Variants in MAGI2 observed in about 807,000 individuals in gnomAD.
MAGI2 encodes the protein membrane-associated guanylate kinase, WW and PDZ domain-containing protein 2.
MAGI2 carries 35 observed loss-of-function variants against 133.3 expected under a neutral mutation model. The ratio of observed to expected loss-of-function variants is 0.26; its 90% CI spans 0.20 to 0.35. MAGI2 has a LOEUF of 0.35. Among genes scored for constraint, MAGI2 ranks in the 10% least tolerant of loss-of-function variants. The probability of loss-of-function intolerance (pLI) is 1.00; values close to 1 mark genes in which losing one functional copy is unlikely to be tolerated. For missense variants in MAGI2, 1,636 were observed against 1,863.4 expected (o/e 0.88, Z 2.25); for synonymous variants, 729 against 710.6 (o/e 1.03, Z -0.41).
intron 3 of MAGI2, among the ~76,000 whole-genome samples, chr7:78,594,964 C>T (rs559282650): frequency 3.3e-5 from 5 of 152,260 alleles, no homozygotes; most frequent in Admixed American, 6.5e-5. Flanking sequence ...GATGAATGCC[C>T]GCTTACACAC....
intron 6 of MAGI2, among the ~76,000 whole-genome samples, chr7:78,421,293 G>A (rs530693867): frequency 6.6e-5 from 10 of 152,164 alleles, no homozygotes; most frequent in Admixed American, 4.6e-4. Flanking sequence ...CTCACTTACT[G>A]GGGTAAAAGC....
chr7:79,085,651 GTGT>G (rs1816418678), intron 1 of MAGI2, among the ~76,000 whole-genome samples: 1 of 151,880 alleles, frequency 6.6e-6, no homozygotes, highest in South Asian at 2.1e-4. Context: ...TTCTTGTTTG[GTGT>G]TGTTGTTAGT....
intron 2 of MAGI2, among the ~76,000 whole-genome samples, chr7:78,881,077 A>T (rs1795804087): frequency 6.6e-6 from 1 of 152,186 alleles, no homozygotes; most frequent in African/African-American, 2.4e-5. Flanking sequence ...TAAAACAAGT[A>T]CTTCTAGACC....
chr7:78,128,063 C>G (rs1349583538), intron 18 of MAGI2, among the ~76,000 whole-genome samples: 1 of 152,038 alleles, frequency 6.6e-6, no homozygotes, highest in Admixed American at 6.5e-5. Context: ...AGAGGTAATA[C>G]TAGATCATAG....
At chr7:78,979,033 G>A (rs778528185) in intron 2 of MAGI2, among the ~76,000 whole-genome samples, 20 of 151,996 alleles carry the variant, frequency 1.3e-4, no homozygotes, top group Middle Eastern at 6.8e-3. Flanking sequence ...TAATGGATTC[G>A]AGTTGGAGAC....
chr7:79,391,635 T>C (rs1844660127), intron 1 of MAGI2, among the ~76,000 whole-genome samples: 1 of 150,336 alleles, frequency 6.7e-6, no homozygotes, highest in Admixed American at 6.7e-5. Flanking sequence ...ACGTGTGCTA[T>C]AGTGGTTTGC....
intron 1 of MAGI2, among the ~76,000 whole-genome samples, chr7:79,177,538 T>G (rs545520758): frequency 6.6e-6 from 1 of 152,166 alleles, no homozygotes; most frequent in East Asian, 1.9e-4. Flanking sequence ...GCTATTCTTT[T>G]GCAAGAAAAT....
At position 78,019,837 on chromosome 7, in the gene MAGI2, T is replaced by A. The variant is rs1465786247; in HGVS notation, c.3846A>T (p.Pro1282=). The A allele has an allele frequency of 6.2e-7, 1 of 1,613,474 alleles. No individual in the cohort carries two copies. The highest frequency in any genetic ancestry group is 8.5e-7 in the Non-Finnish European group (1 of 1,179,936). ...PPSDPSHQIS[P]GPTWDIKREH... ...CCCGTTTGATATCCCAAGTTGGGCC[T>A]GGGCTTATCTGGTGGGAAGGGTCGG... Residue 1282 remains proline (P), a synonymous_variant, in exon 22 of 22, where the codon CCA becomes CCT. Transcript: ENST00000354212.
intron 1 of MAGI2, among the ~76,000 whole-genome samples, chr7:79,055,951 C>T (rs1221138105): frequency 2.0e-5 from 3 of 152,150 alleles, no homozygotes; most frequent in Non-Finnish European, 4.4e-5. Context: ...GAAAGACTAA[C>T]AAGTGAGAAC....
intron 2 of MAGI2, among the ~76,000 whole-genome samples, chr7:78,865,208 G>A (rs942066687): frequency 2.6e-5 from 4 of 152,252 alleles, no homozygotes; most frequent in African/African-American, 9.6e-5. Flanking sequence ...TTTGAAAAAG[G>A]AAAGATGATA....
chr7:78,351,440 T>C (rs1179019230), intron 7 of MAGI2, among the ~76,000 whole-genome samples: 1 of 151,690 alleles, frequency 6.6e-6, no homozygotes, highest in Non-Finnish European at 1.5e-5. Flanking sequence ...AGCACTATAT[T>C]AGGGATGAAA....
At chr7:79,064,768 C>A (rs530751993) in intron 1 of MAGI2, among the ~76,000 whole-genome samples, 1 of 152,178 alleles carries the variant, frequency 6.6e-6, no homozygotes, top group East Asian at 1.9e-4. Flanking sequence ...TGAAACTGCA[C>A]TTCTGACTTT....
chr7:78,695,410 C>T (rs961154917), intron 2 of MAGI2, among the ~76,000 whole-genome samples: 9 of 152,144 alleles, frequency 5.9e-5, no homozygotes, highest in African/African-American at 1.7e-4. Context: ...TTCCTCCTTG[C>T]TCTGTATCTG....
intron 2 of MAGI2, among the ~76,000 whole-genome samples, chr7:78,652,765 A>G (rs749345732): frequency 5.9e-5 from 9 of 152,300 alleles, no homozygotes; most frequent in Non-Finnish European, 1.0e-4. Context: ...AATAGCAACA[A>G]AAGTCAAAAT....
At chr7:78,034,239 G>A (rs1049639110) in intron 21 of MAGI2, among the ~76,000 whole-genome samples, 1 of 152,134 alleles carries the variant, frequency 6.6e-6, no homozygotes, top group African/African-American at 2.4e-5. Flanking sequence ...CATAGAACAA[G>A]TGACTTCAAA....
chr7:78,598,955 G>A (rs1804899820), intron 3 of MAGI2, among the ~76,000 whole-genome samples: 1 of 152,128 alleles, frequency 6.6e-6, no homozygotes, highest in African/African-American at 2.4e-5. Flanking sequence ...GACGTGTCAG[G>A]AACGCATTGG....
chr7:79,329,829 C>T (rs955204295), intron 1 of MAGI2, among the ~76,000 whole-genome samples: 4 of 152,104 alleles, frequency 2.6e-5, no homozygotes, highest in Admixed American at 6.6e-5. Flanking sequence ...CTGTTTTACA[C>T]CATAATAAAC....
intron 1 of MAGI2, among the ~76,000 whole-genome samples, chr7:79,150,170 G>C (rs1823056072): frequency 6.6e-6 from 1 of 152,002 alleles, no homozygotes; most frequent in South Asian, 2.1e-4. Context: ...CAAATCCATG[G>C]AGCAGCCCTA....
At chr7:78,257,592 C>A (rs1355065259) in intron 9 of MAGI2, among the ~76,000 whole-genome samples, 1 of 152,098 alleles carries the variant, frequency 6.6e-6, no homozygotes, top group Non-Finnish European at 1.5e-5. Flanking sequence ...ATATTTTTTC[C>A]TGCTTAAAAT....
Sources: allele counts gnomAD v4.1 joint callset (sites outside exome capture counted in the v4.1 genomes callset), GRCh38; gene constraint gnomAD v4.1.1; transcripts MANE v1.5; gene names NCBI Gene and HGNC (gene_info 2026-07-23, HGNC 2026-07-21).